Variants in ATG16L1 observed in about 807,000 individuals in gnomAD.
ATG16L1 encodes autophagy-related protein 16-1.
In ATG16L1, 37 loss-of-function variants were observed where a neutral mutation model predicts 88.5. The observed-to-expected ratio is 0.42, with a 90% CI of 0.32 to 0.55. ATG16L1 has a LOEUF of 0.55. ATG16L1 is among the 20% of genes least tolerant of loss of function. The pLI is 0.13. For missense variants in ATG16L1, 554 were observed against 752.8 expected (o/e 0.74, Z 3.09); for synonymous variants, 301 against 281.0 (o/e 1.07, Z -0.71).
intron 9 of ATG16L1, chr2:233,275,655 T>TG: frequency 2.1e-6 from 1 of 487,614 alleles, no homozygotes; most frequent in Non-Finnish European, 4.1e-6. Context: ...GGAGTTGGGA[T>TG]GGGGCGCATC....
At chr2:233,259,721 A>G (rs1697067944) in intron 2 of ATG16L1, among the ~76,000 whole-genome samples, 2 of 151,862 alleles carry the variant, frequency 1.3e-5, no homozygotes, top group African/African-American at 4.8e-5. Context: ...GTTGTTTTCC[A>G]CTAGTCATCT....
Position 233,252,837 on chromosome 2 carries a change from A to G in ATG16L1, c.115+895A>G, listed in dbSNP as rs183740094. On this transcript the variant is annotated intron_variant, in intron 1 of 17. Transcript: ENST00000392017. Reference sequence around the variant, plus strand: ...TGTTTGTACCTTTACCTAAATTATAATGGTCCTAAGGTGGTTCCATCTGCG... The same window carrying G: ...TGTTTGTACCTTTACCTAAATTATAGTGGTCCTAAGGTGGTTCCATCTGCG... Among the ~76,000 whole-genome samples, 475 of 152,292 alleles carry G rather than the reference A, an allele frequency of 3.1e-3. 2 individuals are homozygous for G. Among genetic ancestry groups the G allele is most frequent in the Middle Eastern group, 3.4e-3 (1 of 294 alleles).
At chr2:233,290,155 ACT>A (rs1699367000) in intron 13 of ATG16L1, 91 bp from the exon 14 acceptor site, 7 of 1,513,500 alleles carry the variant, frequency 4.6e-6, no homozygotes, top group African/African-American at 1.4e-5. Flanking sequence ...TAAGTGAGTA[ACT>A]CTGACAAGTC....
At chr2:233,282,893 T>A in intron 12 of ATG16L1, 140 bp downstream of exon 12, 1 of 686,984 alleles carries the variant, frequency 1.5e-6, no homozygotes, top group Non-Finnish European at 2.5e-6. Flanking sequence ...CTTTCCTCCT[T>A]GGGGAAATCT....
intron 10 of ATG16L1, among the ~76,000 whole-genome samples, chr2:233,279,417 C>T (rs898794091): frequency 1.3e-5 from 2 of 152,174 alleles, no homozygotes; most frequent in African/African-American, 4.8e-5. Context: ...TGTGCCAGCA[C>T]ATAATTTGTG....
At chr2:233,285,321 C>T (rs1574894677) in intron 12 of ATG16L1, among the ~76,000 whole-genome samples, 1 of 152,174 alleles carries the variant, frequency 6.6e-6, no homozygotes, top group Non-Finnish European at 1.5e-5. Flanking sequence ...ACCAGTAGTG[C>T]AGGATATTTT....
intron 2 of ATG16L1, among the ~76,000 whole-genome samples, chr2:233,260,693 G>C (rs954798437): frequency 1.3e-5 from 2 of 152,172 alleles, no homozygotes; most frequent in Non-Finnish European, 2.9e-5. Flanking sequence ...GCTGTATCCT[G>C]CTTGCCTTAG....
chr2:233,286,624 T>A (rs1461683307), intron 12 of ATG16L1, among the ~76,000 whole-genome samples: 4 of 135,362 alleles, frequency 3.0e-5, no homozygotes, highest in African/African-American at 1.2e-4. Flanking sequence ...GCCCAAACTT[T>A]TTTTTTTTTT....
Position 233,281,978 on chromosome 2 carries a change from A to G in ATG16L1, c.1132-704A>G, listed in dbSNP as rs12622201. Among the ~76,000 whole-genome samples the G allele has an allele frequency of 1.5e-4, 23 of 152,330 alleles. No individual in the cohort carries two copies. The East Asian group carries it at 3.9e-3, about 26-fold the overall frequency. On this transcript the variant is annotated intron_variant, in intron 11 of 17. Coordinates refer to ENST00000392017, the MANE Select transcript of ATG16L1 (RefSeq NM_030803.7). ...GGGCGTTAATCATCTTTGTACCCCCAGCACCTGGCACAGTGCCTATTAGGT... is the reference window on the plus strand; with the variant it reads ...GGGCGTTAATCATCTTTGTACCCCCGGCACCTGGCACAGTGCCTATTAGGT...
Position 233,251,801 on chromosome 2 carries a change from C to T in ATG16L1, c.-27C>T. 6.5e-7 allele frequency: 1 copy of T among 1,543,184 alleles called. No homozygotes were observed. The highest frequency in any genetic ancestry group is 1.2e-5 in the South Asian group (1 of 83,898). ...CGTCAGCCCTCGCTCGCATTGGTGG[C>T]GCTGAGGTGCCGGGGCAGCAAGTGA... is the stretch of plus-strand genomic sequence containing the variant. On this transcript the variant is annotated 5_prime_UTR_variant, in exon 1 of 18. Coordinates refer to ENST00000392017, the MANE Select transcript of ATG16L1 (RefSeq NM_030803.7).
chr2:233,292,276 A>G lies in ATG16L1; in HGVS notation c.1579A>G (p.Ser527Gly). ...LRTNAIKQTFSAPGFKCGSDW... is the reference protein window; with the variant it reads ...LRTNAIKQTFGAPGFKCGSDW... ...AACAAATGCTATCAAGCAGACATTC[A>G]GGTAACTGAAGATGTGCTGGTTGCA... Residue 527 changes from serine to glycine, a missense_variant and splice_region_variant, in exon 15 of 18, where the codon AGT (serine) becomes GGT (glycine). This residue lies in a region of ATG16L1 where 370 missense variants were observed against 509.7 expected (regional missense o/e 0.73). Coordinates refer to ENST00000392017, the MANE Select transcript of ATG16L1 (RefSeq NM_030803.7). 6.2e-7 allele frequency: 1 copy of G among 1,614,216 alleles called. No homozygotes were observed. Among genetic ancestry groups the G allele is most frequent in the Non-Finnish European group, 8.5e-7 (1 of 1,180,036 alleles).
intron 12 of ATG16L1, among the ~76,000 whole-genome samples, chr2:233,283,789 G>A (rs1265084338): frequency 6.6e-6 from 1 of 151,924 alleles, no homozygotes; most frequent in Non-Finnish European, 1.5e-5. Context: ...TGCCCACCTT[G>A]GCCTCCCAAA....
intron 6 of ATG16L1, 47 bp downstream of exon 6, chr2:233,270,114 T>G: frequency 3.9e-6 from 6 of 1,523,474 alleles, no homozygotes; most frequent in Non-Finnish European, 4.4e-6. Context: ...AAAATTTGGC[T>G]CTCTTAAAAG....
chr2:233,252,737 A>G (rs998407535), intron 1 of ATG16L1, among the ~76,000 whole-genome samples: 4 of 151,878 alleles, frequency 2.6e-5, no homozygotes, highest in Non-Finnish European at 5.9e-5. Flanking sequence ...CAGAACCTTT[A>G]CTGTTACTGA....
chr2:233,271,386 C>G (rs907445521), intron 6 of ATG16L1, among the ~76,000 whole-genome samples: 2 of 152,270 alleles, frequency 1.3e-5, no homozygotes, highest in Non-Finnish European at 2.9e-5. Flanking sequence ...TTAAGCGACT[C>G]TCCTGCCTCA....
At chr2:233,253,198 C>G (rs1208847388) in intron 1 of ATG16L1, among the ~76,000 whole-genome samples, 1 of 152,102 alleles carries the variant, frequency 6.6e-6, no homozygotes, top group African/African-American at 2.4e-5. Flanking sequence ...TAAGTATTTG[C>G]ATGTGTTATT....
Position 233,282,624 on chromosome 2 carries a change from T to C in ATG16L1, c.1132-58T>C. 4.9e-6 allele frequency: 7 copies of C among 1,426,930 alleles called. No homozygotes were observed. In the South Asian group the frequency reaches 6.9e-5, roughly 14 times the overall value. 88.4% of individuals were successfully genotyped at this position (1,426,930 alleles called of 1,614,324 possible). On this transcript the variant is annotated intron_variant, in intron 11 of 17. Coordinates refer to ENST00000392017, the MANE Select transcript of ATG16L1 (RefSeq NM_030803.7). The stretch of plus-strand genomic sequence containing the variant: ...TGATTATTGGGGAATTTATATCGTG[T>C]GAACTGAATTCCTCTGATTTGGCTA...
rs760123434 is a variant in ATG16L1 at position 233,294,244 on chromosome 2, C to T, written c.1731-13C>T. 9 of 1,575,734 alleles carry T rather than the reference C, an allele frequency of 5.7e-6. No homozygotes were observed. Among genetic ancestry groups the T allele is most frequent in the South Asian group, 1.2e-5 (1 of 86,832 alleles). ...TTCTGAAACTTGGTGCTTTTCTGAT[C>T]TCTCCTTTGAAGCTCATCCATCAAT... On this transcript the variant is annotated splice_polypyrimidine_tract_variant and intron_variant, in intron 17 of 17. Transcript: ENST00000392017.
chr2:233,291,996 C>A, intron 14 of ATG16L1, 132 bp from the exon 15 acceptor site: 1 of 1,036,122 alleles, frequency 9.7e-7, no homozygotes, highest in Non-Finnish European at 1.4e-6. Flanking sequence ...TATTAGAAGA[C>A]TGGGAACACA....
Sources: allele counts gnomAD v4.1 joint callset (sites outside exome capture counted in the v4.1 genomes callset), GRCh38; gene constraint gnomAD v4.1.1; regional missense constraint gnomAD v4.1.1; transcripts MANE v1.5; gene names NCBI Gene and HGNC (gene_info 2026-07-23, HGNC 2026-07-21).